The following DLG2 variants were observed in gnomAD, a reference collection of about 807,000 sequenced individuals.
DLG2 encodes discs large MAGUK scaffold protein 2, also known as disks large homolog 2.
Under a neutral mutation model 132.5 loss-of-function variants are expected in DLG2, and 45 were observed. The ratio of observed to expected loss-of-function variants is 0.34; its 90% CI spans 0.27 to 0.44. The LOEUF (loss-of-function observed/expected upper bound fraction) is 0.44. DLG2 is among the 20% of genes least tolerant of loss of function. The pLI is 1.00. For synonymous variants in DLG2, 424 were observed against 419.6 expected (o/e 1.01, Z -0.13); for missense variants, 1,045 against 1,196.9 (o/e 0.87, Z 1.87).
At chr11:85,331,004 C>G (rs1219768859) in intron 3 of DLG2, among the ~76,000 whole-genome samples, 1 of 152,040 alleles carries the variant, frequency 6.6e-6, no homozygotes, top group Non-Finnish European at 1.5e-5. Context: ...AAAATACAAA[C>G]TATTTATATG....
At chr11:83,665,114 A>T (rs1308870779) in intron 18 of DLG2, among the ~76,000 whole-genome samples, 1 of 152,222 alleles carries the variant, frequency 6.6e-6, no homozygotes, top group African/African-American at 2.4e-5. Context: ...ATGTGTGGAA[A>T]AATGAAGTGT....
At chr11:83,789,522 A>C (rs2040925872) in intron 17 of DLG2, among the ~76,000 whole-genome samples, 1 of 145,750 alleles carries the variant, frequency 6.9e-6, no homozygotes. Context: ...CCTTGCTGAC[A>C]CTTCCCCACC....
chr11:84,179,556 C>T (rs1361387370), intron 8 of DLG2, among the ~76,000 whole-genome samples: 1 of 152,146 alleles, frequency 6.6e-6, no homozygotes, highest in Non-Finnish European at 1.5e-5. Context: ...ACAGGGCCGC[C>T]ACGCTTTTGT....
At chr11:85,055,130 C>T (rs1024635585) in intron 6 of DLG2, among the ~76,000 whole-genome samples, 3 of 152,080 alleles carry the variant, frequency 2.0e-5, no homozygotes, top group African/African-American at 7.2e-5. Context: ...TGACTTCAGA[C>T]AAATTTGTCA....
At chr11:84,672,150 T>C (rs928301478) in intron 6 of DLG2, among the ~76,000 whole-genome samples, 1 of 152,140 alleles carries the variant, frequency 6.6e-6, no homozygotes, top group African/African-American at 2.4e-5. Flanking sequence ...CATGGAAACA[T>C]AACTAATAGT....
chr11:84,938,102 A>G (rs1443565085), intron 6 of DLG2, among the ~76,000 whole-genome samples: 4 of 152,186 alleles, frequency 2.6e-5, no homozygotes, highest in Non-Finnish European at 4.4e-5. Context: ...TATAATAACT[A>G]TTTCATACCA....
intron 18 of DLG2, among the ~76,000 whole-genome samples, chr11:83,644,778 AT>A: frequency 6.6e-6 from 1 of 152,088 alleles, no homozygotes; most frequent in Non-Finnish European, 1.5e-5. Flanking sequence ...TGTTCCCCTA[AT>A]TTTTGGCAAA....
chr11:84,600,172 GAAA>G (rs1432211815), intron 6 of DLG2, among the ~76,000 whole-genome samples: 2 of 120,624 alleles, frequency 1.7e-5, no homozygotes, highest in Non-Finnish European at 3.4e-5. Flanking sequence ...AAGAAAGAAA[GAAA>G]GAAAGAAAGA....
chr11:83,912,519 C>T (rs2076244998), intron 15 of DLG2, among the ~76,000 whole-genome samples: 1 of 152,128 alleles, frequency 6.6e-6, no homozygotes, highest in African/African-American at 2.4e-5. Flanking sequence ...CAAGAACACA[C>T]AGTGGCAGGA....
intron 7 of DLG2, among the ~76,000 whole-genome samples, chr11:84,356,346 A>G (rs950706773): frequency 1.3e-5 from 2 of 152,148 alleles, no homozygotes; most frequent in African/African-American, 4.8e-5. Flanking sequence ...TGTGGATACA[A>G]TCTGAATCAC....
chr11:83,630,026 T>A (rs2063292092), intron 19 of DLG2, among the ~76,000 whole-genome samples: 1 of 152,110 alleles, frequency 6.6e-6, no homozygotes, highest in Non-Finnish European at 1.5e-5. Context: ...CAAGAACAGT[T>A]AACATTAGCA....
At chr11:84,892,448 C>T (rs79015284) in intron 6 of DLG2, among the ~76,000 whole-genome samples, 12,271 of 152,174 alleles carry the variant, frequency 0.081, 695 homozygotes, top group Middle Eastern at 0.16. Context: ...TGCTATACCC[C>T]TAGTACCTGG....
intron 7 of DLG2, among the ~76,000 whole-genome samples, chr11:84,530,649 A>G (rs2099335257): frequency 6.6e-6 from 1 of 152,180 alleles, no homozygotes; most frequent in African/African-American, 2.4e-5. Context: ...GTTGCAGTGA[A>G]AAGGGAATGC....
chr11:83,902,337 T>C (rs540003607), intron 15 of DLG2, among the ~76,000 whole-genome samples: 1 of 152,082 alleles, frequency 6.6e-6, no homozygotes, highest in Non-Finnish European at 1.5e-5. Context: ...GTTTAGAGGG[T>C]TCATTTGAAT....
intron 8 of DLG2, among the ~76,000 whole-genome samples, chr11:84,226,628 G>T (rs201330761): frequency 6.6e-6 from 1 of 152,142 alleles, no homozygotes; most frequent in Non-Finnish European, 1.5e-5. Context: ...TTAGGTTCAA[G>T]AATGATTTTA....
chr11:84,619,748 CT>C (rs35449088), intron 6 of DLG2, among the ~76,000 whole-genome samples: 5 of 151,446 alleles, frequency 3.3e-5, no homozygotes, highest in Admixed American at 2.0e-4. Flanking sequence ...AAAATTAATG[CT>C]TTTTTTAAAT....
At chr11:85,609,488 C>A (rs529635819) in intron 2 of DLG2, among the ~76,000 whole-genome samples, 48 of 152,250 alleles carry the variant, frequency 3.2e-4, no homozygotes, top group African/African-American at 1.1e-3. Flanking sequence ...GAAAATGGAG[C>A]AGGCCAATCA....
chr11:84,608,080 C>G (rs540273881), intron 6 of DLG2, among the ~76,000 whole-genome samples: 3 of 152,208 alleles, frequency 2.0e-5, no homozygotes, highest in Admixed American at 2.0e-4. Context: ...TCCTTATAAG[C>G]ATCTCTCTAG....
chr11:84,800,624 T>A (rs181023789), intron 6 of DLG2: 1 of 152,120 alleles, frequency 6.6e-6, no homozygotes, highest in East Asian at 1.9e-4. Flanking sequence ...TGATTCACAG[T>A]TGATCATATT....
Sources: allele counts gnomAD v4.1 joint callset (sites outside exome capture counted in the v4.1 genomes callset), GRCh38; gene constraint gnomAD v4.1.1; transcripts MANE v1.5; gene names NCBI Gene and HGNC (gene_info 2026-07-23, HGNC 2026-07-21).